MYBPHL: variants seen among roughly 807,000 people sequenced by gnomAD.
MYBPHL encodes the protein myosin-binding protein H-like.
In MYBPHL, 32 loss-of-function variants were observed where a neutral mutation model predicts 39.5. That is an observed-to-expected ratio of 0.81 (90% CI 0.61 to 1.09). MYBPHL has a LOEUF of 1.09. MYBPHL is among the 50% of genes least tolerant of loss of function. The pLI, the probability that MYBPHL is intolerant of heterozygous loss-of-function variation, is 0.00. For missense variants in MYBPHL, 456 were observed against 460.2 expected (o/e 0.99, Z 0.08); for synonymous variants, 196 against 183.7 (o/e 1.07, Z -0.54).
rs201249539 is a variant in MYBPHL, at chr1:109,295,322, A to C, written c.868-25T>G. On this transcript the variant is annotated intron_variant, in intron 6 of 8. Transcript: ENST00000357155. ...GCTGGAAGACAAAGATGAGGGAGGC[A>C]GCAAGGAGGGGCGAGGGTAAGAACC... 43 of 1,608,208 alleles carry C rather than the reference A, an allele frequency of 2.7e-5. No individual in the cohort carries two copies. The African/African-American group carries it at 5.1e-4, about 19-fold the overall frequency.
At chr1:109,294,339 C>A (rs939899846) in intron 7 of MYBPHL, 90 bp from the exon 8 acceptor site, 5 of 1,332,916 alleles carry the variant, frequency 3.8e-6, no homozygotes, top group Non-Finnish European at 3.2e-6. Flanking sequence ...TATTCTATTT[C>A]AGGTTCTTGG....
intron 8 of MYBPHL, among the ~76,000 whole-genome samples, chr1:109,293,875 C>A (rs1046707006): frequency 6.6e-6 from 1 of 151,974 alleles, no homozygotes; most frequent in African/African-American, 2.4e-5. Context: ...ACCAGCCTGG[C>A]CAACATGGTG....
rs1351713001 is a variant in MYBPHL at position 109,297,096 on chromosome 1, G to A, written c.524C>T (p.Thr175Ile). 6.2e-7 allele frequency: 1 copy of A among 1,614,158 alleles called. No homozygotes were observed. Among genetic ancestry groups the A allele is most frequent in the Non-Finnish European group, 8.5e-7 (1 of 1,180,040 alleles). ...CTGCACCGTGTATCCCAGAAGTGCT[G>A]TATTCCCCGTATCTTGGGGCGGTGT... Reference protein sequence around the residue: ...EWTPPQDTGNTALLGYTVQKA... With the variant: ...EWTPPQDTGNIALLGYTVQKA... The change falls in exon 4 of 9, where the codon ACA becomes ATA. Residue 175 changes from threonine to isoleucine, a missense_variant. Coordinates refer to ENST00000357155, the MANE Select transcript of MYBPHL (RefSeq NM_001010985.3).
chr1:109,303,351 C>T (rs1658358399), intron 1 of MYBPHL, among the ~76,000 whole-genome samples: 1 of 152,210 alleles, frequency 6.6e-6, no homozygotes, highest in South Asian at 2.1e-4. Flanking sequence ...CTCTTGCACT[C>T]ACTCAAATCC....
At chr1:109,305,255 G>C (rs908503029) in intron 1 of MYBPHL, among the ~76,000 whole-genome samples, 4 of 152,238 alleles carry the variant, frequency 2.6e-5, no homozygotes, top group Non-Finnish European at 5.9e-5. Flanking sequence ...CCACAGAACA[G>C]AGCTAAGATT....
chr1:109,294,982 A>C (rs1191715678), intron 7 of MYBPHL, 129 bp downstream of exon 7: 1 of 721,344 alleles, frequency 1.4e-6, no homozygotes, highest in African/African-American at 1.8e-5. Flanking sequence ...TGATGATGAC[A>C]GTGATGAAAG....
Position 109,297,427 on chromosome 1 carries a change from A to G in MYBPHL, c.425T>C (p.Val142Ala). The change falls in exon 3 of 9, where the codon GTG (valine) becomes GCG (alanine). Residue 142 changes from valine (V) to alanine (A), a missense_variant. Transcript: ENST00000357155. ...LEATATIDIL[V>A]IERPGPPQSI... The stretch of plus-strand genomic sequence containing the variant: ...TCCCACTTCCCCCACCGTACCAATC[A>G]CCAGGATGTCAATGGTGGCGGTGGC... 1 of 1,611,612 alleles carries G rather than the reference A, an allele frequency of 6.2e-7. No individual in the cohort carries two copies. Among genetic ancestry groups the G allele is most frequent in the Admixed American group, 1.7e-5 (1 of 59,976 alleles).
intron 8 of MYBPHL, among the ~76,000 whole-genome samples, chr1:109,293,291 T>C: frequency 6.6e-6 from 1 of 152,152 alleles, no homozygotes; most frequent in East Asian, 1.9e-4. Context: ...AGAATCTCCT[T>C]ATGATTAGGT....
intron 1 of MYBPHL, among the ~76,000 whole-genome samples, chr1:109,302,511 G>A (rs917832982): frequency 1.3e-5 from 2 of 151,900 alleles, no homozygotes; most frequent in African/African-American, 4.8e-5. Context: ...TGTTACAGTC[G>A]TCCCCCTAGT....
intron 1 of MYBPHL, among the ~76,000 whole-genome samples, chr1:109,304,129 TTAGA>T (rs2101490241): frequency 6.6e-6 from 1 of 152,330 alleles, no homozygotes; most frequent in East Asian, 1.9e-4. Flanking sequence ...ATCTGACATA[TTAGA>T]TACTTTACTT....
In MYBPHL at chr1:109,296,821, G is replaced by A. The variant is rs766599816; in HGVS notation, c.692C>T (p.Ala231Val). The A allele has an allele frequency of 3.1e-6, 5 of 1,614,168 alleles. No homozygotes were observed. The highest frequency in any genetic ancestry group is 4.2e-6 in the Non-Finnish European group (5 of 1,180,014). ...AENQCGLSET[A>V]PITTDLAHIQ... is the part of the protein sequence containing the mutation. ...GTGGGCGAGGTCCGTAGTGATGGGG[G>A]CTGTTTCACTGAGTCCGCACTGGTT... is the stretch of plus-strand genomic sequence containing the variant. The change falls in exon 5 of 9, where the codon GCC (alanine) becomes GTC (valine). Residue 231 changes from alanine to valine, a missense_variant. Coordinates refer to ENST00000357155, the MANE Select transcript of MYBPHL (RefSeq NM_001010985.3).
At chr1:109,298,787 C>A (rs1055008970) in intron 1 of MYBPHL, among the ~76,000 whole-genome samples, 19 of 152,164 alleles carry the variant, frequency 1.2e-4, no homozygotes, top group African/African-American at 4.6e-4. Context: ...ACACTGATGT[C>A]ACTGCAGACA....
Position 109,306,832 on chromosome 1 carries a change from C to G in MYBPHL, c.145+15G>C. On this transcript the variant is annotated intron_variant, in intron 1 of 8. Coordinates refer to ENST00000357155, the MANE Select transcript of MYBPHL (RefSeq NM_001010985.3). ...CCACCCGGCCTCCCCACCCTCCCCA[C>G]CTGCCATGGGTCACCTTCTATAGGG... is the stretch of plus-strand genomic sequence containing the variant. The G allele has an allele frequency of 6.5e-7, 1 of 1,547,442 alleles. No individual in the cohort carries two copies. The highest frequency in any genetic ancestry group is 8.7e-7 in the Non-Finnish European group (1 of 1,150,888).
In MYBPHL at chr1:109,295,017, C is replaced by T. The variant is rs753925468; in HGVS notation, c.1054+94G>A. ...GAGTCCAGCGGAGGAACCCCTTCTC[C>T]CCCTAGGCTTGCGTCTCTGTTCCCT... is the stretch of plus-strand genomic sequence containing the variant. On this transcript the variant is annotated intron_variant, in intron 7 of 8. Transcript: ENST00000357155. 296 of 1,288,702 alleles carry T rather than the reference C, an allele frequency of 2.3e-4. 1 individual carries two copies. The highest frequency in any genetic ancestry group is 2.2e-4 in the Non-Finnish European group (203 of 924,272). 79.8% of individuals were successfully genotyped at this position (1,288,702 alleles called of 1,614,324 possible).
intron 5 of MYBPHL, 71 bp from the exon 6 acceptor site, chr1:109,296,441 A>ATTTT: frequency 1.4e-6 from 2 of 1,393,228 alleles, no homozygotes; most frequent in Non-Finnish European, 9.6e-7. Flanking sequence ...TATCCTTAGT[A>ATTTT]TTTTTTTTTT....
intron 1 of MYBPHL, among the ~76,000 whole-genome samples, chr1:109,301,523 C>A (rs1658278220): frequency 6.6e-6 from 1 of 152,106 alleles, no homozygotes; most frequent in African/African-American, 2.4e-5. Context: ...GGTGGATCAC[C>A]TGAGGTCAGA....
At chr1:109,294,392 A>G (rs1657980210) in intron 7 of MYBPHL, 143 bp from the exon 8 acceptor site, 5 of 724,236 alleles carry the variant, frequency 6.9e-6, no homozygotes. Flanking sequence ...ATAGAGAAGA[A>G]CAGGACATGT....
chr1:109,297,683 G>A (rs1167015752), intron 2 of MYBPHL, 66 bp from the exon 3 acceptor site: 2 of 1,455,666 alleles, frequency 1.4e-6, no homozygotes, highest in East Asian at 2.4e-5. Flanking sequence ...GCTGCTGTAG[G>A]GGTCCTGTCC....
chr1:109,306,206 C>G (rs1000831649), intron 1 of MYBPHL, among the ~76,000 whole-genome samples: 1 of 152,194 alleles, frequency 6.6e-6, no homozygotes, highest in Non-Finnish European at 1.5e-5. Context: ...GCAGGAAGCT[C>G]GGGGTTGGAA....
Sources: gnomAD v4.1 joint callset for allele counts (sites outside exome capture counted in the v4.1 genomes callset) on GRCh38, gnomAD v4.1.1 for gene constraint, MANE v1.5 for transcripts, NCBI Gene and HGNC (gene_info 2026-07-23, HGNC 2026-07-21) for gene names.